PCDHGA8: variants seen among roughly 807,000 people sequenced by gnomAD.
PCDHGA8 encodes protocadherin gamma-A8.
Under a neutral mutation model 59.2 loss-of-function variants are expected in PCDHGA8, and 45 were observed. The observed-to-expected ratio is 0.76, with a 90% CI of 0.60 to 0.98. The LOEUF (loss-of-function observed/expected upper bound fraction) is 0.98. PCDHGA8 is among the 50% of genes least tolerant of loss of function. PCDHGA8 has a pLI of 0.00. For missense variants in PCDHGA8, 1,257 were observed against 1,196.2 expected (o/e 1.05, Z -0.75); for synonymous variants, 531 against 519.0 (o/e 1.02, Z -0.32).
intron 1 of PCDHGA8, chr5:141,421,778 G>C (rs756566609): frequency 6.2e-7 from 1 of 1,613,844 alleles, no homozygotes; most frequent in Non-Finnish European, 8.5e-7. Context: ...TTGCAACTGC[G>C]GGGCAGAACG....
chr5:141,447,852 G>A (rs375081279), intron 1 of PCDHGA8, among the ~76,000 whole-genome samples: 2 of 152,144 alleles, frequency 1.3e-5, no homozygotes, highest in East Asian at 3.9e-4. Context: ...TTGGGAGGCC[G>A]AGGTGGGTGA....
chr5:141,422,330 C>A, intron 1 of PCDHGA8: 1 of 1,548,166 alleles, frequency 6.5e-7, no homozygotes. Flanking sequence ...ACAGTGATTG[C>A]TCTTCTAAAT....
Position 141,511,256 on chromosome 5 carries a change from TTCAGGGC to T in PCDHGA8, c.*85_*91del. 6.4e-7 allele frequency: 1 copy of T among 1,563,506 alleles called. No individual in the cohort carries two copies. Among genetic ancestry groups the T allele is most frequent in the Non-Finnish European group, 8.7e-7 (1 of 1,154,422 alleles). The stretch of plus-strand genomic sequence containing the variant: ...CTTACCTGCACCCAGGCCTCAGAGT[TTCAGGGC>T]TAACCCCCAGAATACTGGTAGGGGC... On this transcript the variant is annotated 3_prime_UTR_variant, in exon 4 of 4. Coordinates refer to ENST00000398604, the MANE Select transcript of PCDHGA8 (RefSeq NM_032088.2).
At chr5:141,403,905 A>G in intron 1 of PCDHGA8, 1 of 1,613,894 alleles carries the variant, frequency 6.2e-7, no homozygotes, top group Non-Finnish European at 8.5e-7. Context: ...TATGAAATGG[A>G]AATACAAGCT....
chr5:141,403,201 C>T (rs1486888915), intron 1 of PCDHGA8: 2 of 1,614,002 alleles, frequency 1.2e-6, no homozygotes, highest in South Asian at 1.1e-5. Context: ...GCAGCGGCAC[C>T]TTGGTCACCG....
Position 141,490,866 on chromosome 5 carries a change from C to T in PCDHGA8, c.2425-3941C>T, listed in dbSNP as rs1408465290. The T allele has an allele frequency of 6.2e-7, 1 of 1,613,906 alleles. No homozygotes were observed. The highest frequency in any genetic ancestry group is 1.7e-5 in the Admixed American group (1 of 60,012). ...TGGGGGTTCGAGACTCCGGCTCTCC[C>T]CCATTGCATGCCAACACATCTCTGC... On this transcript the variant is annotated intron_variant, in intron 1 of 3. Coordinates refer to ENST00000398604, the MANE Select transcript of PCDHGA8 (RefSeq NM_032088.2). The surrounding 1 kb of genome is among the most constrained non-coding windows in gnomAD (Gnocchi z 5.4).
rs375228847 is a variant in PCDHGA8, at chr5:141,431,219, C to G, written c.2424+35982C>G. ...TGCAGCCACTGAGATGCGGTTCCCTCTACCCCACGCCTGGGATCCGGATAT... is the reference window on the plus strand; with the variant it reads ...TGCAGCCACTGAGATGCGGTTCCCTGTACCCCACGCCTGGGATCCGGATAT... On this transcript the variant is annotated intron_variant, in intron 1 of 3. Coordinates refer to ENST00000398604, the MANE Select transcript of PCDHGA8 (RefSeq NM_032088.2). This position sits in a 1 kb window ranked among gnomAD's most constrained non-coding sequence, Gnocchi z 4.8. 2.5e-6 allele frequency: 4 copies of G among 1,614,180 alleles called. No individual in the cohort carries two copies. The highest frequency in any genetic ancestry group is 1.6e-4 in the Middle Eastern group (1 of 6,062).
In PCDHGA8 at chr5:141,432,296, G is replaced by T; in HGVS notation, c.2424+37059G>T. On this transcript the variant is annotated intron_variant, in intron 1 of 3. Coordinates refer to ENST00000398604, the MANE Select transcript of PCDHGA8 (RefSeq NM_032088.2). This position sits in a 1 kb window ranked among gnomAD's most constrained non-coding sequence, Gnocchi z 6.0. ...CGTGTCCATCAACTCCGACACTGGG[G>T]TACTGTATGCGCTGAGCTCCTTCGA... 1 of 1,614,224 alleles carries T rather than the reference G, an allele frequency of 6.2e-7. No individual in the cohort carries two copies. Among genetic ancestry groups the T allele is most frequent in the Non-Finnish European group, 8.5e-7 (1 of 1,180,044 alleles).
At chr5:141,507,932 G>C (rs2099865030) in intron 3 of PCDHGA8, 1 of 152,338 alleles carries the variant, frequency 6.6e-6, no homozygotes, top group Admixed American at 6.5e-5. Context: ...TGCTGAGAGG[G>C]GTTAAGTAAG....
rs144203659 is a variant in PCDHGA8, at chr5:141,431,011, G to A, written c.2424+35774G>A. The A allele has an allele frequency of 1.5e-5, 24 of 1,613,168 alleles. No individual in the cohort carries two copies. The highest frequency in any genetic ancestry group is 1.7e-5 in the Non-Finnish European group (20 of 1,179,310). ...CCCTGAATCCGCGCAGCGGCAGCTTGGTCACGGCGGGCAGGATAGACCGGG... is the reference window on the plus strand; with the variant it reads ...CCCTGAATCCGCGCAGCGGCAGCTTAGTCACGGCGGGCAGGATAGACCGGG... On this transcript the variant is annotated intron_variant, in intron 1 of 3. Transcript: ENST00000398604. This position sits in a 1 kb window ranked among gnomAD's most constrained non-coding sequence, Gnocchi z 4.8.
intron 1 of PCDHGA8, among the ~76,000 whole-genome samples, chr5:141,466,790 A>C (rs1240777427): frequency 2.0e-5 from 3 of 152,210 alleles, no homozygotes; most frequent in Non-Finnish European, 2.9e-5. Context: ...TTAGTGCCTC[A>C]AACTAGATCC....
chr5:141,429,760 C>T (rs1036499079), intron 1 of PCDHGA8, among the ~76,000 whole-genome samples: 2 of 152,020 alleles, frequency 1.3e-5, no homozygotes, highest in Non-Finnish European at 2.9e-5. Context: ...AATTTTTTCC[C>T]TATATTTTGA....
intron 1 of PCDHGA8, among the ~76,000 whole-genome samples, chr5:141,494,498 C>G (rs2099754760): frequency 6.6e-6 from 1 of 152,138 alleles, no homozygotes; most frequent in African/African-American, 2.4e-5. Flanking sequence ...GCCTTCAGTC[C>G]TTGAATTTTG....
intron 1 of PCDHGA8, chr5:141,441,810 C>T (rs2098275091): frequency 6.4e-5 from 24 of 372,574 alleles, no homozygotes; most frequent in Middle Eastern, 7.2e-4. Flanking sequence ...GGTGCTGTAC[C>T]CCAGCTCTGG....
chr5:141,510,825 G>C, intron 3 of PCDHGA8, 122 bp from the exon 4 acceptor site: 2 of 1,566,486 alleles, frequency 1.3e-6, no homozygotes, highest in Non-Finnish European at 1.7e-6. Flanking sequence ...TATATTCCCA[G>C]TGCTCAGCGT....
At chr5:141,408,667 C>G in intron 1 of PCDHGA8, 1 of 1,613,954 alleles carries the variant, frequency 6.2e-7, no homozygotes, top group Non-Finnish European at 8.5e-7. Context: ...TATCGCTTGA[C>G]CCTGCCACGG....
intron 1 of PCDHGA8, chr5:141,409,000 C>T (rs779251035): frequency 6.2e-7 from 1 of 1,613,950 alleles, no homozygotes; most frequent in South Asian, 1.1e-5. Context: ...AAGTGACAGC[C>T]ACTGACCAGG....
chr5:141,420,287 A>C, intron 1 of PCDHGA8: 1 of 1,498,884 alleles, frequency 6.7e-7, no homozygotes, highest in African/African-American at 1.4e-5. Context: ...AAGTATTTAA[A>C]AATGTATTTA....
chr5:141,404,119 T>G, intron 1 of PCDHGA8: 1 of 1,613,504 alleles, frequency 6.2e-7, no homozygotes, highest in Non-Finnish European at 8.5e-7. Flanking sequence ...TCCAGGAGAA[T>G]CTATCTTTTA....
Sources: allele counts gnomAD v4.1 joint callset (sites outside exome capture counted in the v4.1 genomes callset), GRCh38; gene constraint gnomAD v4.1.1; non-coding constraint Gnocchi (gnomAD v3.1); transcripts MANE v1.5; gene names NCBI Gene and HGNC (gene_info 2026-07-23, HGNC 2026-07-21).